CACNB4: variants seen among roughly 807,000 people sequenced by gnomAD.
The protein encoded by CACNB4 is voltage-dependent L-type calcium channel subunit beta-4.
In CACNB4, 32 loss-of-function variants were observed where a neutral mutation model predicts 71.2. The observed-to-expected ratio is 0.45, with a 90% CI of 0.34 to 0.60. CACNB4 has a LOEUF of 0.60. Among genes scored for constraint, CACNB4 ranks in the 20% least tolerant of loss-of-function variants. The probability of loss-of-function intolerance (pLI) is 0.01; values close to 1 mark genes in which losing one functional copy is unlikely to be tolerated. For missense variants in CACNB4, 464 were observed against 647.9 expected, an observed-to-expected ratio of 0.72 and a Z score of 3.08; for synonymous variants, 231 against 236.9, an observed-to-expected ratio of 0.97 and a Z score of 0.23.
At chr2:151,878,340 G>A (rs941628976) in intron 4 of CACNB4, among the ~76,000 whole-genome samples, 1 of 152,008 alleles carries the variant, frequency 6.6e-6, no homozygotes, top group Non-Finnish European at 1.5e-5. Context: ...ATATGTTCTG[G>A]TAAGAATTTG....
chr2:151,941,518 G>A (rs547502917), intron 2 of CACNB4, among the ~76,000 whole-genome samples: 48 of 151,944 alleles, frequency 3.2e-4, no homozygotes, highest in African/African-American at 1.1e-3. Flanking sequence ...CTGACCTCAG[G>A]TGATCCGCCT....
intron 2 of CACNB4, among the ~76,000 whole-genome samples, chr2:152,087,024 C>T (rs1248028211): frequency 3.3e-5 from 5 of 151,970 alleles, no homozygotes; most frequent in East Asian, 1.9e-4. Context: ...CCCAGCTACT[C>T]GGGAGGCTGA....
At chr2:151,847,850 C>T (rs948323425) in intron 12 of CACNB4, among the ~76,000 whole-genome samples, 1 of 152,188 alleles carries the variant, frequency 6.6e-6, no homozygotes, top group African/African-American at 2.4e-5. Context: ...CGCGCCACTG[C>T]ACTCCAACCG....
At chr2:151,870,975 C>G in intron 6 of CACNB4, 114 bp from the exon 7 acceptor site, 1 of 724,748 alleles carries the variant, frequency 1.4e-6, no homozygotes, top group Non-Finnish European at 2.3e-6. Context: ...TCTTCACCAC[C>G]TTCCTATCGC....
At chr2:151,850,114 C>CTT (rs1363864296) in intron 12 of CACNB4, 1 of 141,386 alleles carries the variant, frequency 7.1e-6, no homozygotes, top group Non-Finnish European at 1.5e-5. Context: ...CTTATCTTTT[C>CTT]TTTTTCTTTT....
chr2:152,026,908 C>T (rs1028071989), intron 2 of CACNB4, among the ~76,000 whole-genome samples: 2 of 60,430 alleles, frequency 3.3e-5, no homozygotes, highest in Non-Finnish European at 8.9e-5. Context: ...ACACAATTAT[C>T]TTTCTTTTTT....
intron 4 of CACNB4, among the ~76,000 whole-genome samples, chr2:151,878,281 CTGG>C (rs2099846961): frequency 6.6e-6 from 1 of 151,828 alleles, no homozygotes; most frequent in Non-Finnish European, 1.5e-5. Flanking sequence ...CCATGAAGTT[CTGG>C]GTAAACTTTA....
At chr2:151,903,801 T>A (rs79032405) in intron 2 of CACNB4, among the ~76,000 whole-genome samples, 1,718 of 152,286 alleles carry the variant, frequency 0.011, 31 homozygotes, top group African/African-American at 0.038. Flanking sequence ...AAAAAGCCCC[T>A]TTTCTCCTTG....
At position 151,908,793 on chromosome 2, in the gene CACNB4, C is replaced by T. The variant is rs114048399; in HGVS notation, c.148-25423G>A. ...ATAGGAATACATTTTCTGACTAAGA[C>T]AGTAAAGGTTATCAGGCACAGGACT... is the stretch of plus-strand genomic sequence containing the variant. On this transcript the variant is annotated intron_variant, in intron 2 of 13. Coordinates refer to ENST00000539935, the MANE Select transcript of CACNB4 (RefSeq NM_000726.5). 5.2e-3 allele frequency among the ~76,000 whole-genome samples: 784 copies of T among 152,158 alleles called. 2 individuals carry two copies. Among genetic ancestry groups the T allele is most frequent in the Middle Eastern group, 0.014 (4 of 294 alleles).
chr2:151,920,126 T>C (rs1207583379), intron 2 of CACNB4, among the ~76,000 whole-genome samples: 2 of 152,178 alleles, frequency 1.3e-5, no homozygotes, highest in African/African-American at 2.4e-5. Flanking sequence ...AATGTGTTTT[T>C]CCTTTGTAAA....
chr2:151,855,009 T>C, intron 11 of CACNB4: 1 of 384,086 alleles, frequency 2.6e-6, no homozygotes, highest in East Asian at 3.7e-5. Context: ...AACTGTCTTG[T>C]TTGGGATCTA....
chr2:151,932,197 T>C (rs2151605680), intron 2 of CACNB4, among the ~76,000 whole-genome samples: 1 of 151,940 alleles, frequency 6.6e-6, no homozygotes, highest in East Asian at 1.9e-4. Context: ...TTATAAATTG[T>C]AATAAAATAT....
chr2:152,078,382 T>C (rs1350797878), intron 2 of CACNB4, among the ~76,000 whole-genome samples: 1 of 152,324 alleles, frequency 6.6e-6, no homozygotes, highest in East Asian at 1.9e-4. Context: ...ACAATTTCAT[T>C]TGAAGGAAAT....
At chr2:151,958,971 A>G (rs1333426882) in intron 2 of CACNB4, among the ~76,000 whole-genome samples, 6 of 152,360 alleles carry the variant, frequency 3.9e-5, no homozygotes, top group African/African-American at 1.4e-4. Flanking sequence ...TACAAAGATA[A>G]CAACTACCTA....
chr2:151,873,706 G>GA (rs988635763), intron 5 of CACNB4: 4 of 151,960 alleles, frequency 2.6e-5, no homozygotes, highest in Admixed American at 6.6e-5. Context: ...GTTCCAGTAA[G>GA]AAAAAACAGC....
intron 2 of CACNB4, among the ~76,000 whole-genome samples, chr2:152,029,638 T>A (rs542522924): frequency 1.8e-4 from 27 of 152,226 alleles, no homozygotes; most frequent in Non-Finnish European, 2.6e-4. Flanking sequence ...AATGTTTGTG[T>A]CCCCTCAAAA....
chr2:151,969,740 T>C (rs1469372071), intron 2 of CACNB4: 2 of 152,246 alleles, frequency 1.3e-5, no homozygotes, highest in Non-Finnish European at 2.9e-5. Context: ...GCTATTCTTA[T>C]AATAATGTGT....
rs1432350259 is a variant in CACNB4, at chr2:151,977,995, C to CCA, written c.148-94627_148-94626dup. ...CTTCTGCTCTGCAAGTAATAGTACT[C>CCA]CACTCCTTTGCCTCTAGAAATCTGT... On this transcript the variant is annotated intron_variant, in intron 2 of 13. Coordinates refer to ENST00000539935, the MANE Select transcript of CACNB4 (RefSeq NM_000726.5). Among the ~76,000 whole-genome samples the CCA allele has an allele frequency of 3.3e-5, 5 of 152,218 alleles. No individual in the cohort carries two copies. In the East Asian group the frequency reaches 9.6e-4, roughly 29 times the overall value.
chr2:151,985,444 G>C (rs1264538118), intron 2 of CACNB4, among the ~76,000 whole-genome samples: 1 of 152,120 alleles, frequency 6.6e-6, no homozygotes, highest in African/African-American at 2.4e-5. Flanking sequence ...TCTTGGGCTA[G>C]ATTCCCATAT....
Sources: allele counts gnomAD v4.1 joint callset (sites outside exome capture counted in the v4.1 genomes callset), GRCh38; gene constraint gnomAD v4.1.1; transcripts MANE v1.5; gene names NCBI Gene and HGNC (gene_info 2026-07-23, HGNC 2026-07-21).